The following DCC variants were observed in gnomAD, a reference collection of about 807,000 sequenced individuals.
DCC encodes DCC netrin 1 receptor, also known as netrin receptor DCC.
A neutral mutation model predicts 172.5 loss-of-function variants in DCC; 58 were observed. The observed-to-expected ratio is 0.34, with a 90% confidence interval of 0.27 to 0.42. DCC has a LOEUF of 0.42. Ranked by LOEUF, DCC falls within the 10% of genes least tolerant of loss-of-function variation. The probability of loss-of-function intolerance (pLI) is 1.00; values close to 1 mark genes in which losing one functional copy is unlikely to be tolerated. For synonymous variants in DCC, 709 were observed against 644.5 expected (o/e 1.10, Z -1.52); for missense variants, 1,740 against 1,791.0 (o/e 0.97, Z 0.51).
intron 5 of DCC, among the ~76,000 whole-genome samples, chr18:52,991,314 T>C (rs1182642765): frequency 6.6e-6 from 1 of 152,200 alleles, no homozygotes; most frequent in Non-Finnish European, 1.5e-5. Flanking sequence ...GCAAACTTTT[T>C]AGAAGTATAG....
At chr18:52,736,474 G>T (rs772661299) in intron 1 of DCC, among the ~76,000 whole-genome samples, 5 of 151,900 alleles carry the variant, frequency 3.3e-5, no homozygotes, top group Admixed American at 6.6e-5. Flanking sequence ...GTTTTTTTAT[G>T]TCTACATTAT....
At chr18:52,444,137 G>A (rs533132217) in intron 1 of DCC, among the ~76,000 whole-genome samples, 1 of 152,300 alleles carries the variant, frequency 6.6e-6, no homozygotes, top group Admixed American at 6.5e-5. Context: ...GCCTAGAAAG[G>A]CTGTGGAATG....
At chr18:52,737,249 T>C (rs2036744248) in intron 1 of DCC, among the ~76,000 whole-genome samples, 1 of 151,884 alleles carries the variant, frequency 6.6e-6, no homozygotes, top group South Asian at 2.1e-4. Flanking sequence ...CCAGGAATGG[T>C]AAATAGTGGT....
At chr18:53,424,637 A>C (rs1245723306) in intron 21 of DCC, among the ~76,000 whole-genome samples, 1 of 118,686 alleles carries the variant, frequency 8.4e-6, no homozygotes, top group Non-Finnish European at 2.1e-5. Context: ...GCAAACTATT[A>C]CCGGGGGAAG....
chr18:52,809,794 T>C (rs1204256061), intron 2 of DCC, among the ~76,000 whole-genome samples: 5 of 152,176 alleles, frequency 3.3e-5, no homozygotes, highest in African/African-American at 9.6e-5. Flanking sequence ...GGGTTGCCAC[T>C]CCCAACTCGA....
At chr18:53,270,238 A>G (rs73957140) in intron 12 of DCC, among the ~76,000 whole-genome samples, 6,606 of 152,248 alleles carry the variant, frequency 0.043, 433 homozygotes, top group African/African-American at 0.15. Flanking sequence ...AGTGCTACCC[A>G]TAAGCTCCTG....
chr18:52,906,408 T>C (rs1598916807), intron 3 of DCC, 80 bp downstream of exon 3: 7 of 1,396,956 alleles, frequency 5.0e-6, no homozygotes, highest in African/African-American at 4.3e-5. Context: ...TTAACAGATA[T>C]TTGTAATTGT....
intron 15 of DCC, among the ~76,000 whole-genome samples, chr18:53,368,214 C>T (rs2058025708): frequency 6.6e-6 from 1 of 152,044 alleles, no homozygotes; most frequent in Non-Finnish European, 1.5e-5. Flanking sequence ...TTTTCTTGTA[C>T]TTATTGGCCA....
At chr18:52,619,621 G>A (rs1365447809) in intron 1 of DCC, among the ~76,000 whole-genome samples, 1 of 152,110 alleles carries the variant, frequency 6.6e-6, no homozygotes, top group Non-Finnish European at 1.5e-5. Context: ...ACCAATATTA[G>A]GCTATAAAAT....
intron 21 of DCC, among the ~76,000 whole-genome samples, chr18:53,421,950 GAA>G (rs1033689350): frequency 1.3e-5 from 2 of 152,132 alleles, no homozygotes; most frequent in African/African-American, 2.4e-5. Flanking sequence ...TACAGATGTA[GAA>G]AAAGAGACAG....
chr18:52,830,220 A>G (rs993545864), intron 2 of DCC, among the ~76,000 whole-genome samples: 1 of 152,226 alleles, frequency 6.6e-6, no homozygotes, highest in African/African-American at 2.4e-5. Context: ...CATGCAGCCC[A>G]TGACCGGTTT....
intron 1 of DCC, among the ~76,000 whole-genome samples, chr18:52,573,609 A>G (rs1332224729): frequency 6.6e-6 from 1 of 152,180 alleles, no homozygotes; most frequent in Non-Finnish European, 1.5e-5. Context: ...TTTAATTACC[A>G]AGGGCTGAAT....
chr18:53,456,294 C>T (rs945039730), intron 23 of DCC, among the ~76,000 whole-genome samples: 1 of 152,156 alleles, frequency 6.6e-6, no homozygotes, highest in African/African-American at 2.4e-5. Context: ...AGCACCAGCA[C>T]CTGACCATGC....
At chr18:52,383,404 C>A (rs1985665943) in intron 1 of DCC, among the ~76,000 whole-genome samples, 2 of 152,036 alleles carry the variant, frequency 1.3e-5, no homozygotes, top group African/African-American at 4.8e-5. Context: ...GATGGTTAGA[C>A]AACTGTACTT....
chr18:52,838,881 A>G (rs1041823628), intron 2 of DCC, among the ~76,000 whole-genome samples: 1 of 152,224 alleles, frequency 6.6e-6, no homozygotes, highest in African/African-American at 2.4e-5. Context: ...TTTGAAGAGG[A>G]TCTTAGAAGA....
rs116376163 is a variant in DCC, at chr18:52,776,472, T to C, written c.412+24098T>C. On this transcript the variant is annotated intron_variant, in intron 2 of 28. Transcript: ENST00000442544. Reference sequence around the variant, plus strand: ...TTTTTAAAAAAGCTGGAAGAAAAAGTAGGATTAGGTCAAGAGTTCTAGAGT... The same window carrying C: ...TTTTTAAAAAAGCTGGAAGAAAAAGCAGGATTAGGTCAAGAGTTCTAGAGT... Among the ~76,000 whole-genome samples the C allele has an allele frequency of 3.9e-3, 589 of 152,232 alleles. 4 individuals carry two copies. Among genetic ancestry groups the C allele is most frequent in the African/African-American group, 0.013 (553 of 41,534 alleles).
chr18:52,848,511 C>G (rs928839197), intron 2 of DCC, among the ~76,000 whole-genome samples: 1 of 152,164 alleles, frequency 6.6e-6, no homozygotes, highest in Non-Finnish European at 1.5e-5. Context: ...GGAATCATAT[C>G]AAACTTTCGT....
At chr18:52,946,478 T>TC (rs994862441) in intron 5 of DCC, among the ~76,000 whole-genome samples, 1 of 152,154 alleles carries the variant, frequency 6.6e-6, no homozygotes, top group South Asian at 2.1e-4. Context: ...ATTTTTTTTT[T>TC]CTCAAGATGA....
At chr18:53,526,480 C>T (rs150220476) in intron 27 of DCC, 137 bp from the exon 28 acceptor site, 2 of 934,742 alleles carry the variant, frequency 2.1e-6, no homozygotes, top group Non-Finnish European at 3.4e-6. Flanking sequence ...CTCATTGTGT[C>T]AGAATTCATC....
Sources: allele counts gnomAD v4.1 joint callset (sites outside exome capture counted in the v4.1 genomes callset), GRCh38; gene constraint gnomAD v4.1.1; transcripts MANE v1.5; gene names NCBI Gene and HGNC (gene_info 2026-07-23, HGNC 2026-07-21).